KRT73: variants seen among roughly 807,000 people sequenced by gnomAD.
KRT73 encodes keratin, type II cytoskeletal 73.
KRT73 carries 44 observed loss-of-function variants against 47.2 expected under a neutral mutation model. The observed-to-expected ratio is 0.93, with a 90% CI of 0.73 to 1.20. The LOEUF (loss-of-function observed/expected upper bound fraction) is 1.20, where lower values mean the gene tolerates loss of function less well. Among genes scored for constraint, KRT73 ranks in the 50% most tolerant of loss-of-function variants. The pLI is 0.00. For synonymous variants in KRT73, 285 were observed against 291.3 expected (o/e 0.98, Z 0.22); for missense variants, 713 against 704.5 (o/e 1.01, Z -0.14).
At position 52,607,979 on chromosome 12, in the gene KRT73, CTT is replaced by C. The variant is rs775605784; in HGVS notation, c.*215_*216del. 112 of 569,184 alleles carry C rather than the reference CTT, an allele frequency of 2.0e-4. 1 individual carries two copies. The highest frequency in any genetic ancestry group is 1.5e-3 in the Middle Eastern group (3 of 2,062). 35.3% of individuals were successfully genotyped at this position (569,184 alleles called of 1,614,324 possible). On this transcript the variant is annotated 3_prime_UTR_variant, in exon 9 of 9. Transcript: ENST00000305748. Reference sequence around the variant, plus strand: ...AAGGGGAGGCTGAGTTAAAAGGCCTCTTTGGATGGAGGCAGAAAGATGGGCTC... The same window carrying C: ...AAGGGGAGGCTGAGTTAAAAGGCCTCTGGATGGAGGCAGAAAGATGGGCTC...
At chr12:52,621,740 A>G (rs1237722253), upstream of KRT73, among the ~76,000 whole-genome samples, 4 of 152,202 alleles carry the variant, frequency 2.6e-5, no homozygotes, top group African/African-American at 9.7e-5. Context: ...GGTTTCACCT[A>G]CACCCACATC....
chr12:52,621,294 G>GCC (rs979224048), upstream of KRT73, among the ~76,000 whole-genome samples: 7 of 140,158 alleles, frequency 5.0e-5, no homozygotes, highest in African/African-American at 1.8e-4. Flanking sequence ...AAAGAAAGGG[G>GCC]GGGGGGGGGA....
chr12:52,630,141 A>C, the KRT73 span, among the ~76,000 whole-genome samples: 46 of 152,374 alleles, frequency 3.0e-4, no homozygotes, highest in East Asian at 1.9e-4. Context: ...ATCAGTGCTC[A>C]TCACGTGCAC....
the KRT73 span, among the ~76,000 whole-genome samples, chr12:52,626,288 G>T: frequency 6.6e-6 from 1 of 152,218 alleles, no homozygotes; most frequent in Non-Finnish European, 1.5e-5. Context: ...CTTGCACAAG[G>T]TCACATAGCT....
the KRT73 span, among the ~76,000 whole-genome samples, chr12:52,629,993 C>T: frequency 4.6e-5 from 7 of 152,182 alleles, no homozygotes; most frequent in East Asian, 1.3e-3. Flanking sequence ...TACAGCCGTG[C>T]CTGGACCAGG....
intron 7 of KRT73, 148 bp downstream of exon 7, chr12:52,610,467 A>C: frequency 2.7e-6 from 2 of 744,860 alleles, no homozygotes; most frequent in Non-Finnish European, 4.5e-6. Context: ...CTGTCACATT[A>C]TCTGGCAGGA....
intron 3 of KRT73, 39 bp downstream of exon 3, chr12:52,615,240 C>T (rs1479872575): frequency 6.4e-7 from 1 of 1,564,954 alleles, no homozygotes; most frequent in South Asian, 1.1e-5. Context: ...CCAGCACCCA[C>T]TGCTGGGGGA....
Position 52,616,329 on chromosome 12 carries a change from G to T in KRT73, c.499C>A (p.Leu167Ile). ...NQVLETKWELLQQLDLNNCKN... is the reference protein window; with the variant it reads ...NQVLETKWELIQQLDLNNCKN... Reference sequence around the variant, plus strand: ...CAGTTGTTCAGGTCCAGCTGCTGTAGCAGCTCCCACTTGGTCTCCAGCACC... The same window carrying T: ...CAGTTGTTCAGGTCCAGCTGCTGTATCAGCTCCCACTTGGTCTCCAGCACC... The change falls in exon 2 of 9, where the codon CTA becomes ATA. Residue 167 changes from leucine to isoleucine, a missense_variant. By Grantham distance (5) the Leu-to-Ile change is conservative. Transcript: ENST00000305748. 2 of 1,614,216 alleles carry T rather than the reference G, an allele frequency of 1.2e-6. No individual in the cohort carries two copies.
intron 5 of KRT73, chr12:52,612,899 A>G (rs537561210): frequency 6.6e-6 from 1 of 152,232 alleles, no homozygotes; most frequent in Non-Finnish European, 1.5e-5. Flanking sequence ...ATAAGCAATA[A>G]TAATACTGTT....
chr12:52,611,677 A>G lies in KRT73; in HGVS notation c.985-348T>C, dbSNP rs543797482. 5.1e-4 allele frequency among the ~76,000 whole-genome samples: 77 copies of G among 152,230 alleles called. No homozygotes were observed. In the Middle Eastern group the frequency reaches 0.014, roughly 27 times the overall value. ...ACTCTTACATGGCATCCAGGGGCTC[A>G]TTTCTTTCTGCCCTTGCCTAACACC... On this transcript the variant is annotated intron_variant, in intron 5 of 8. Transcript: ENST00000305748.
upstream of KRT73, among the ~76,000 whole-genome samples, chr12:52,619,133 C>T (rs1351453272): frequency 6.6e-6 from 1 of 152,246 alleles, no homozygotes; most frequent in African/African-American, 2.4e-5. Context: ...CCCTCCCAGG[C>T]AGCTCTCCTG....
upstream of KRT73, among the ~76,000 whole-genome samples, chr12:52,623,085 A>T (rs1295637426): frequency 1.3e-5 from 2 of 152,218 alleles, no homozygotes; most frequent in Non-Finnish European, 2.9e-5. Flanking sequence ...ATAAGGAATA[A>T]AAATTCCCCA....
chr12:52,616,951 C>G (rs529444993), intron 1 of KRT73, among the ~76,000 whole-genome samples: 1 of 152,338 alleles, frequency 6.6e-6, no homozygotes, highest in East Asian at 1.9e-4. Context: ...CAAGCATTCT[C>G]AAGTTGCAAC....
At chr12:52,609,519 C>T (rs981273827) in intron 7 of KRT73, among the ~76,000 whole-genome samples, 2 of 152,212 alleles carry the variant, frequency 1.3e-5, no homozygotes, top group Non-Finnish European at 2.9e-5. Flanking sequence ...AACAACATTA[C>T]CACCCCCAAG....
the KRT73 span, among the ~76,000 whole-genome samples, chr12:52,626,558 C>G: frequency 6.6e-6 from 1 of 152,290 alleles, no homozygotes; most frequent in East Asian, 1.9e-4. Context: ...CTGACCAGAG[C>G]TTAGTTTCAT....
Position 52,614,566 on chromosome 12 carries a change from G to T in KRT73, c.819+13C>A. ...AGAAGACAGAGCCAGAGGTGGGGCAGGGGGAGCCTTACCCCCTCGTACAGA... is the reference window on the plus strand; with the variant it reads ...AGAAGACAGAGCCAGAGGTGGGGCATGGGGAGCCTTACCCCCTCGTACAGA... On this transcript the variant is annotated intron_variant, in intron 4 of 8. Coordinates refer to ENST00000305748, the MANE Select transcript of KRT73 (RefSeq NM_175068.3). 1 of 1,607,832 alleles carries T rather than the reference G, an allele frequency of 6.2e-7. No homozygotes were observed. The highest frequency in any genetic ancestry group is 8.5e-7 in the Non-Finnish European group (1 of 1,175,802).
rs368627296 is a variant in KRT73 at position 52,618,027 on chromosome 12, C to T, written c.447+51G>A. On this transcript the variant is annotated intron_variant, in intron 1 of 8. Transcript: ENST00000305748. ...CACAAATTAGGGCAGTGGCTCCCTC[C>T]TGAGTCCTTAAAAGGGGAGCCCAAG... The T allele has an allele frequency of 1.2e-4, 187 of 1,573,834 alleles. 1 individual carries two copies. The South Asian group carries it at 2.0e-3, about 17-fold the overall frequency.
In KRT73 at chr12:52,613,678, G is replaced by A. The variant is rs1470058119; in HGVS notation, c.984+10C>T. The stretch of plus-strand genomic sequence containing the variant: ...TGCATACTTCACTATGGGGAGTTTT[G>A]CGGCCTCACCTTGGTCTGGTACAGG... On this transcript the variant is annotated intron_variant, in intron 5 of 8. Transcript: ENST00000305748. 1.1e-5 allele frequency: 18 copies of A among 1,613,812 alleles called. No individual in the cohort carries two copies. Among genetic ancestry groups the A allele is most frequent in the Non-Finnish European group, 1.5e-5 (18 of 1,179,898 alleles).
chr12:52,608,128 T>C lies in KRT73; in HGVS notation c.*68A>G. On this transcript the variant is annotated 3_prime_UTR_variant, in exon 9 of 9. Transcript: ENST00000305748. ...TGAGGACAAATGAGACAGAGGAATT[T>C]CCTAGAAGAGTCCGGAGCAGTCTGC... 4 of 1,510,136 alleles carry C rather than the reference T, an allele frequency of 2.6e-6. No homozygotes were observed. The highest frequency in any genetic ancestry group is 3.6e-6 in the Non-Finnish European group (4 of 1,117,980). 93.5% of individuals were successfully genotyped at this position (1,510,136 alleles called of 1,614,324 possible).
Sources: gnomAD v4.1 joint callset for allele counts (sites outside exome capture counted in the v4.1 genomes callset) on GRCh38, gnomAD v4.1.1 for gene constraint, MANE v1.5 for transcripts, NCBI Gene and HGNC (gene_info 2026-07-23, HGNC 2026-07-21) for gene names.